Variants in ATP8B1 observed in about 807,000 individuals in gnomAD.
The protein encoded by ATP8B1 is ATPase phospholipid transporting 8B1.
A neutral mutation model predicts 149.9 loss-of-function variants in ATP8B1; 80 were observed. That is an observed-to-expected ratio of 0.53 (90% CI 0.45 to 0.64). The LOEUF is 0.64. Among genes scored for constraint, ATP8B1 ranks in the 30% least tolerant of loss-of-function variants. ATP8B1 has a pLI of 0.00. For synonymous variants in ATP8B1, 536 were observed against 562.8 expected, an observed-to-expected ratio of 0.95 and a Z score of 0.67; for missense variants, 1,247 against 1,552.6, an observed-to-expected ratio of 0.80 and a Z score of 3.31.
At chr18:57,765,633 C>A (rs1472689557) in intron 1 of ATP8B1, among the ~76,000 whole-genome samples, 1 of 150,408 alleles carries the variant, frequency 6.6e-6, no homozygotes, top group East Asian at 2.0e-4. Context: ...CGCGCCACTG[C>A]ACTCTAGCCT....
At chr18:57,709,999 T>G (rs1913613673) in intron 2 of ATP8B1, among the ~76,000 whole-genome samples, 2 of 101,136 alleles carry the variant, frequency 2.0e-5, no homozygotes. Flanking sequence ...TTTCTTTTCT[T>G]TTTTTTTTTT....
chr18:57,790,002 A>C (rs1258645099), intron 1 of ATP8B1, among the ~76,000 whole-genome samples: 1 of 152,080 alleles, frequency 6.6e-6, no homozygotes, highest in African/African-American at 2.4e-5. Flanking sequence ...TGTCCCAGCA[A>C]CTCAAACTAA....
chr18:57,787,225 G>A (rs1038502819), intron 1 of ATP8B1, among the ~76,000 whole-genome samples: 6 of 152,112 alleles, frequency 3.9e-5, no homozygotes, highest in Admixed American at 3.3e-4. Flanking sequence ...TTCTCACAAC[G>A]GTCACCAATC....
chr18:57,706,099 A>C (rs1913375698), intron 3 of ATP8B1, among the ~76,000 whole-genome samples: 1 of 152,206 alleles, frequency 6.6e-6, no homozygotes, highest in Non-Finnish European at 1.5e-5. Flanking sequence ...TTTTTGAGTC[A>C]AAAATATGTT....
rs548421573 is a variant in ATP8B1 at position 57,669,251 on chromosome 18, A to G, written c.2097+67T>C. 7.3e-5 allele frequency: 107 copies of G among 1,464,086 alleles called. 1 individual carries two copies. In the African/African-American group the frequency reaches 1.2e-3, roughly 16 times the overall value. 90.7% of individuals were successfully genotyped at this position (1,464,086 alleles called of 1,614,324 possible). ...TTAAGCATGAGATCAAATATTCAAT[A>G]AAACTTAATAAAAATTTCAATTCTG... On this transcript the variant is annotated intron_variant, in intron 18 of 27. Transcript: ENST00000648908.
intron 14 of ATP8B1, among the ~76,000 whole-genome samples, 185 bp from the exon 15 acceptor site, chr18:57,684,377 T>C (rs1258974841): frequency 3.3e-5 from 5 of 151,994 alleles, no homozygotes; most frequent in African/African-American, 1.2e-4. Context: ...CTTTTTTTTT[T>C]TGGAAACATA....
chr18:57,677,529 G>C (rs1022610354), intron 15 of ATP8B1, among the ~76,000 whole-genome samples: 1 of 145,402 alleles, frequency 6.9e-6, no homozygotes, highest in East Asian at 2.2e-4. Context: ...CTGGGGTAAC[G>C]GTGGCAGAGA....
intron 27 of ATP8B1, among the ~76,000 whole-genome samples, chr18:57,649,610 C>CA (rs1489217682): frequency 1.3e-5 from 2 of 152,110 alleles, no homozygotes; most frequent in African/African-American, 4.8e-5. Flanking sequence ...CCCAACCCCT[C>CA]ACAGCCACAT....
intron 2 of ATP8B1, among the ~76,000 whole-genome samples, chr18:57,711,167 A>T (rs903773133): frequency 6.6e-6 from 1 of 152,206 alleles, no homozygotes; most frequent in Non-Finnish European, 1.5e-5. Context: ...CTGACCAAAT[A>T]ATCACACTTC....
chr18:57,767,666 G>A (rs547885363), intron 1 of ATP8B1, among the ~76,000 whole-genome samples: 1 of 152,216 alleles, frequency 6.6e-6, no homozygotes, highest in Non-Finnish European at 1.5e-5. Flanking sequence ...GTGCGCGCCT[G>A]TAATCTCAGC....
Position 57,691,929 on chromosome 18 carries a change from C to G in ATP8B1, c.1098G>C (p.Val366=). 2.5e-6 allele frequency: 4 copies of G among 1,614,170 alleles called. No individual in the cohort carries two copies. Among genetic ancestry groups the G allele is most frequent in the Non-Finnish European group, 2.5e-6 (3 of 1,180,036 alleles). ...AIGHAYWEAQ[V]GNSSWYLYDG... Reference sequence around the variant, plus strand: ...CATAGAGGTACCAAGAGGAATTGCCCACCTGTGCTTCCCAATAAGCATGGC... The same window carrying G: ...CATAGAGGTACCAAGAGGAATTGCCGACCTGTGCTTCCCAATAAGCATGGC... Residue 366 remains valine, a synonymous_variant, in exon 12 of 28, where the codon GTG becomes GTC. Transcript: ENST00000648908.
chr18:57,795,624 A>G (rs2080507813), intron 1 of ATP8B1, among the ~76,000 whole-genome samples: 1 of 152,226 alleles, frequency 6.6e-6, no homozygotes, highest in Non-Finnish European at 1.5e-5. Flanking sequence ...CAAATATTGC[A>G]TGATTCCACT....
At chr18:57,650,217 AT>A in intron 27 of ATP8B1, 149 bp downstream of exon 27, 1 of 1,016,218 alleles carries the variant, frequency 9.8e-7, no homozygotes, top group South Asian at 1.4e-5. Context: ...CAAAAGACTT[AT>A]TTGTGAGATA....
intron 14 of ATP8B1, 36 bp downstream of exon 14, chr18:57,685,036 A>G: frequency 6.2e-7 from 1 of 1,612,128 alleles, no homozygotes; most frequent in Non-Finnish European, 8.5e-7. Flanking sequence ...TGACATCCCC[A>G]GCATCCCAAA....
chr18:57,648,053 C>T lies in ATP8B1; in HGVS notation c.*435G>A, dbSNP rs1215309398. ...CCAGGCTGGAGTGCAGTGGCGCAAT[C>T]TCGGCTCACTGTAACCTCCATCTCC... On this transcript the variant is annotated 3_prime_UTR_variant, in exon 28 of 28. Coordinates refer to ENST00000648908, the MANE Select transcript of ATP8B1 (RefSeq NM_001374385.1). The T allele has an allele frequency of 3.2e-6, 1 of 314,020 alleles. No homozygotes were observed. The highest frequency in any genetic ancestry group is 2.2e-5 in the African/African-American group (1 of 45,936). 19.5% of individuals were successfully genotyped at this position (314,020 alleles called of 1,614,324 possible).
chr18:57,790,145 T>A (rs2080448794), intron 1 of ATP8B1, among the ~76,000 whole-genome samples: 1 of 152,066 alleles, frequency 6.6e-6, no homozygotes, highest in African/African-American at 2.4e-5. Context: ...ATCCAACCCA[T>A]CACCAAGACC....
At position 57,676,425 on chromosome 18, in the gene ATP8B1, A is replaced by G. The variant is rs115678915; in HGVS notation, c.1631-1403T>C. Among the ~76,000 whole-genome samples, 1,002 of 152,202 alleles carry G rather than the reference A, an allele frequency of 6.6e-3. 8 individuals carry two copies. The highest frequency in any genetic ancestry group is 0.021 in the African/African-American group (891 of 41,546). On this transcript the variant is annotated intron_variant, in intron 15 of 27. Coordinates refer to ENST00000648908, the MANE Select transcript of ATP8B1 (RefSeq NM_001374385.1). ...TCTCCTTATTAAAAAAAAAAAGAAA[A>G]AAAAACCACACAGGCTGGGTGCAGT...
intron 1 of ATP8B1, among the ~76,000 whole-genome samples, chr18:57,788,555 CA>C (rs111696334): frequency 1.5e-3 from 202 of 138,088 alleles, no homozygotes; most frequent in Middle Eastern, 3.6e-3. Flanking sequence ...ACTCTTATCT[CA>C]AAAAAAAAAA....
rs2079766238 is a variant in ATP8B1 at position 57,731,611 on chromosome 18, G to T, written c.181+16C>A. 1 of 1,613,578 alleles carries T rather than the reference G, an allele frequency of 6.2e-7. No individual in the cohort carries two copies. ...GATTTATAAGCGACCTAGTCACCGG[G>T]ACTTCATGTGGTTACCTTTTCTGAA... On this transcript the variant is annotated intron_variant, in intron 2 of 27. Coordinates refer to ENST00000648908, the MANE Select transcript of ATP8B1 (RefSeq NM_001374385.1).
Sources: allele counts gnomAD v4.1 joint callset (sites outside exome capture counted in the v4.1 genomes callset), GRCh38; gene constraint gnomAD v4.1.1; transcripts MANE v1.5; gene names NCBI Gene and HGNC (gene_info 2026-07-23, HGNC 2026-07-21).